CDH23: variants seen among roughly 807,000 people sequenced by gnomAD.
The protein encoded by CDH23 is cadherin related 23.
Under a neutral mutation model 317.1 loss-of-function variants are expected in CDH23, and 189 were observed. The ratio of observed to expected loss-of-function variants is 0.60; its 90% CI spans 0.53 to 0.67. CDH23 has a LOEUF of 0.67. Ranked by LOEUF, CDH23 falls within the 30% of genes least tolerant of loss-of-function variation. The pLI, the probability that CDH23 is intolerant of heterozygous loss-of-function variation, is 0.00. For missense variants in CDH23, 4,401 were observed against 4,592.4 expected (o/e 0.96, Z 1.20); for synonymous variants, 1,839 against 1,876.8 (o/e 0.98, Z 0.52).
chr10:71,570,322 C>T (rs1386978202), intron 7 of CDH23, among the ~76,000 whole-genome samples: 1 of 152,188 alleles, frequency 6.6e-6, no homozygotes, highest in Non-Finnish European at 1.5e-5. Context: ...CTTTGTCAAT[C>T]CTCTGCTGCC....
In CDH23 at chr10:71,807,660, C is replaced by T. The variant is rs368998415; in HGVS notation, c.8453C>T (p.Ser2818Phe). 1.2e-6 allele frequency: 2 copies of T among 1,613,842 alleles called. No individual in the cohort carries two copies. The highest frequency in any genetic ancestry group is 1.7e-6 in the Non-Finnish European group (2 of 1,179,872). Residue 2818 changes from serine (S) to phenylalanine (F), a missense_variant, in exon 59 of 70, where the codon TCC becomes TTC. Ser to Phe is a radical substitution (Grantham distance 155). Transcript: ENST00000224721. ...AGCTGGACACCTCCCCGTGGACCCT[C>T]CCCAACCCTCGACCTGGTTGCTGAC... ...NRSWTPPRGP[S>F]PTLDLVADLT...
At chr10:71,452,595 C>A (rs1850502236) in intron 3 of CDH23, among the ~76,000 whole-genome samples, 1 of 152,192 alleles carries the variant, frequency 6.6e-6, no homozygotes, top group Non-Finnish European at 1.5e-5. Flanking sequence ...GAAGCCTCCC[C>A]AGCCTGCCCT....
intron 6 of CDH23, among the ~76,000 whole-genome samples, chr10:71,529,454 G>T (rs1855231797): frequency 6.6e-6 from 1 of 152,222 alleles, no homozygotes; most frequent in South Asian, 2.1e-4. Context: ...GTATCCTGGA[G>T]CGGGGTGGCC....
chr10:71,764,382 A>T (rs1386785268), intron 38 of CDH23, among the ~76,000 whole-genome samples: 1 of 152,236 alleles, frequency 6.6e-6, no homozygotes, highest in Non-Finnish European at 1.5e-5. Flanking sequence ...AATTAAACTC[A>T]GACACATAGA....
chr10:71,577,917 A>G lies in CDH23; in HGVS notation c.757A>G (p.Thr253Ala). ...TNIYEHSPPG[T>A]TVRIITAIDQ... ...GTCCCTCCTCTCTTCTGCCCAGGGC[A>G]CGACGGTGCGCATCATCACCGCCAT... Residue 253 changes from threonine to alanine, a missense_variant, in exon 9 of 70, where the codon ACG (threonine) becomes GCG (alanine). Thr to Ala is a moderately conservative substitution (Grantham distance 58). This residue lies in a region of CDH23 where 3,068 missense variants were observed against 3,203.3 expected (regional missense o/e 0.96). Coordinates refer to ENST00000224721, the MANE Select transcript of CDH23 (RefSeq NM_022124.6). 1 of 1,596,206 alleles carries G rather than the reference A, an allele frequency of 6.3e-7. No homozygotes were observed. Among genetic ancestry groups the G allele is most frequent in the Non-Finnish European group, 8.5e-7 (1 of 1,171,218 alleles).
chr10:71,420,565 A>ATGATGGTGATGATGATGGTGATGG (rs1848762661), intron 1 of CDH23, among the ~76,000 whole-genome samples: 1 of 27,416 alleles, frequency 3.6e-5, no homozygotes, highest in African/African-American at 1.1e-4. Context: ...GATGGTGATG[A>ATGATGGTGATGATGATGGTGATGG]TGATGATGAT....
At chr10:71,473,190 C>T (rs1207585940) in intron 3 of CDH23, among the ~76,000 whole-genome samples, 1 of 152,228 alleles carries the variant, frequency 6.6e-6, no homozygotes, top group Non-Finnish European at 1.5e-5. Context: ...AGGCAGGATG[C>T]TCCCGGAGTC....
At chr10:71,788,280 C>T (rs1018274408) in intron 44 of CDH23, among the ~76,000 whole-genome samples, 7 of 152,016 alleles carry the variant, frequency 4.6e-5, no homozygotes, top group African/African-American at 1.7e-4. Context: ...GAACTCCTGA[C>T]CTTAAGTGAT....
chr10:71,448,099 C>T (rs1850257882), intron 3 of CDH23, among the ~76,000 whole-genome samples: 1 of 152,252 alleles, frequency 6.6e-6, no homozygotes, highest in Non-Finnish European at 1.5e-5. Flanking sequence ...GTGAAGGCCC[C>T]TCTCAAGTGA....
intron 1 of CDH23, among the ~76,000 whole-genome samples, chr10:71,398,152 TC>T (rs1181338064): frequency 6.6e-6 from 1 of 152,148 alleles, no homozygotes; most frequent in Non-Finnish European, 1.5e-5. Flanking sequence ...AGAGGCTGCC[TC>T]CGTGCTGTGA....
Position 71,751,962 on chromosome 10 carries a change from T to A in CDH23, c.4845+10041T>A. The A allele has an allele frequency of 8.2e-7, 1 of 1,222,050 alleles. No individual in the cohort carries two copies. The highest frequency in any genetic ancestry group is 1.2e-6 in the Non-Finnish European group (1 of 862,936). The allele number at this position is 1,222,050 out of a possible 1,614,324, so 75.7% of individuals were successfully genotyped here. A position where few individuals can be genotyped will look rare whatever the true frequency, so the allele number is the denominator to read the frequency against. Reference sequence around the variant, plus strand: ...CTCTCCTCCCTTTCTCTCACCTACATCCCCATCCCCAAGCCTCAGCAGCAT... The same window carrying A: ...CTCTCCTCCCTTTCTCTCACCTACAACCCCATCCCCAAGCCTCAGCAGCAT... On this transcript the variant is annotated intron_variant, in intron 38 of 69. Transcript: ENST00000224721. The surrounding 1 kb of genome is among the most constrained non-coding windows in gnomAD (Gnocchi z 4.9).
intron 9 of CDH23, among the ~76,000 whole-genome samples, chr10:71,606,667 A>G (rs1860542369): frequency 1.3e-5 from 2 of 152,204 alleles, no homozygotes; most frequent in Non-Finnish European, 2.9e-5. Flanking sequence ...AAACACATAA[A>G]CAGATGGAAG....
chr10:71,458,303 G>T (rs1303028257), intron 3 of CDH23, among the ~76,000 whole-genome samples: 1 of 152,228 alleles, frequency 6.6e-6, no homozygotes, highest in Non-Finnish European at 1.5e-5. Context: ...TTCCTTGAAG[G>T]TCCCCTCACC....
intron 6 of CDH23, among the ~76,000 whole-genome samples, chr10:71,533,697 C>T (rs192116781): frequency 5.3e-4 from 80 of 152,218 alleles, no homozygotes; most frequent in Admixed American, 5.0e-3. Flanking sequence ...TCCTCTTTGG[C>T]ACTGGAGAGG....
At chr10:71,423,084 C>T (rs1848887243) in intron 1 of CDH23, among the ~76,000 whole-genome samples, 1 of 152,128 alleles carries the variant, frequency 6.6e-6, no homozygotes, top group African/African-American at 2.4e-5. Context: ...TATGACGGCC[C>T]TTGTGTTAGG....
chr10:71,679,366 T>G, intron 16 of CDH23, 21 bp from the exon 17 acceptor site: 2 of 1,583,448 alleles, frequency 1.3e-6, no homozygotes, highest in East Asian at 2.3e-5. Flanking sequence ...TCACGGCCCT[T>G]GTCTGCCCTC....
At chr10:71,646,410 G>A in intron 13 of CDH23, 49 bp from the exon 14 acceptor site, 1 of 1,601,556 alleles carries the variant, frequency 6.2e-7, no homozygotes, top group Non-Finnish European at 8.5e-7. Flanking sequence ...CAAGGACTCT[G>A]GGAGGGGACA....
chr10:71,795,873 A>G (rs1311917320), intron 48 of CDH23: 38 of 985,992 alleles, frequency 3.9e-5, no homozygotes, highest in Non-Finnish European at 4.3e-5. Flanking sequence ...TTCCCACCTC[A>G]TCTCTTCTCT....
chr10:71,534,497 A>G (rs907706805), intron 6 of CDH23, among the ~76,000 whole-genome samples: 2 of 152,200 alleles, frequency 1.3e-5, no homozygotes, highest in African/African-American at 2.4e-5. Context: ...AAATAATTCT[A>G]CTTAAAACTC....
Sources: gnomAD v4.1 joint callset for allele counts (sites outside exome capture counted in the v4.1 genomes callset) on GRCh38, gnomAD v4.1.1 for gene constraint, gnomAD v4.1.1 regional missense constraint, Gnocchi (gnomAD v3.1) non-coding constraint, MANE v1.5 for transcripts, NCBI Gene and HGNC (gene_info 2026-07-23, HGNC 2026-07-21) for gene names.